Variants in ENPEP observed in about 807,000 individuals in gnomAD.
The protein encoded by ENPEP is glutamyl aminopeptidase, also known as AP-A.
Under a neutral mutation model 114.5 loss-of-function variants are expected in ENPEP, and 103 were observed. That is an observed-to-expected ratio of 0.90 (90% CI 0.77 to 1.06). The LOEUF is 1.06. ENPEP is among the 50% of genes least tolerant of loss of function. The pLI, the probability that ENPEP is intolerant of heterozygous loss-of-function variation, is 0.00. For missense variants in ENPEP, 1,196 were observed against 1,161.3 expected, an observed-to-expected ratio of 1.03 and a Z score of -0.43; for synonymous variants, 420 against 422.0, an observed-to-expected ratio of 1.00 and a Z score of 0.06.
At chr4:110,525,662 TTAACTC>T (rs3839178) in intron 10 of ENPEP, among the ~76,000 whole-genome samples, 54,987 of 151,646 alleles carry the variant, frequency 0.36, 10,532 homozygotes, top group East Asian at 0.5. Flanking sequence ...TAGAAAGTCT[TTAACTC>T]TAAACTGGTT....
In ENPEP at chr4:110,549,373, A is replaced by G; in HGVS notation, c.2179A>G (p.Ile727Val). 2 of 1,613,248 alleles carry G rather than the reference A, an allele frequency of 1.2e-6. No individual in the cohort carries two copies. Among genetic ancestry groups the G allele is most frequent in the African/African-American group, 1.3e-5 (1 of 74,996 alleles). Residue 727 changes from isoleucine (I) to valine (V), a missense_variant, in exon 15 of 20, where the codon ATT becomes GTT. Ile to Val is a conservative substitution (Grantham distance 29, BLOSUM62 3). Coordinates refer to ENST00000265162, the MANE Select transcript of ENPEP (RefSeq NM_001977.4). ...EEYFQGQVKP[I>V]ADSLGWNDAG... ...ATACTTCCAAGGTCAAGTGAAGCCT[A>G]TTGCAGATTCTCTGGGATGGAATGA...
At chr4:110,481,103 G>A (rs1724297289) in intron 1 of ENPEP, among the ~76,000 whole-genome samples, 1 of 152,166 alleles carries the variant, frequency 6.6e-6, no homozygotes, top group Non-Finnish European at 1.5e-5. Context: ...CCCAAAGTAT[G>A]TACTGCAGAA....
intron 6 of ENPEP, among the ~76,000 whole-genome samples, chr4:110,511,255 T>A (rs2110355166): frequency 6.6e-6 from 1 of 152,362 alleles, no homozygotes; most frequent in East Asian, 1.9e-4. Context: ...TTAAAAATCT[T>A]ATCTACATCT....
At chr4:110,529,788 A>AG (rs1323254285) in intron 10 of ENPEP, among the ~76,000 whole-genome samples, 1 of 152,102 alleles carries the variant, frequency 6.6e-6, no homozygotes, top group African/African-American at 2.4e-5. Flanking sequence ...AAAATGACAA[A>AG]GGGGGCCGGG....
At chr4:110,550,536 C>T (rs762525244) in intron 17 of ENPEP, among the ~76,000 whole-genome samples, 2 of 151,932 alleles carry the variant, frequency 1.3e-5, no homozygotes, top group Non-Finnish European at 1.5e-5. Flanking sequence ...GAGTGTCTGC[C>T]GCAAATGCAT....
intron 13 of ENPEP, among the ~76,000 whole-genome samples, chr4:110,546,757 C>T (rs571465108): frequency 1.4e-4 from 21 of 152,126 alleles, no homozygotes; most frequent in African/African-American, 5.1e-4. Context: ...ATGGACTTCC[C>T]TTAAAGGAAG....
At chr4:110,529,925 A>AT (rs397780280) in intron 10 of ENPEP, among the ~76,000 whole-genome samples, 7 of 151,142 alleles carry the variant, frequency 4.6e-5, no homozygotes, top group Non-Finnish European at 1.0e-4. Flanking sequence ...AATACAAAAA[A>AT]ATTGGTTGGG....
At position 110,549,544 on chromosome 4, in the gene ENPEP, G is replaced by A. The variant is rs866151750; in HGVS notation, c.2242G>A (p.Val748Met). The A allele has an allele frequency of 3.1e-6, 5 of 1,613,382 alleles. No individual in the cohort carries two copies. The African/African-American group carries it at 5.3e-5, about 17-fold the overall frequency. Residue 748 changes from valine (V) to methionine (M), a missense_variant, in exon 16 of 20, where the codon GTG (valine) becomes ATG (methionine). Transcript: ENST00000265162. ...DHVTKLLRSSVLGFACKMGDR... is the reference protein window; with the variant it reads ...DHVTKLLRSSMLGFACKMGDR... ...TTTTTTAAGGTTACTCCGTTCCTCC[G>A]TGTTAGGGTTTGCGTGCAAGATGGG...
Position 110,476,406 on chromosome 4 carries a change from G to A in ENPEP, c.-9G>A, listed in dbSNP as rs767450534. On this transcript the variant is annotated 5_prime_UTR_variant, in exon 1 of 20. Coordinates refer to ENST00000265162, the MANE Select transcript of ENPEP (RefSeq NM_001977.4). The stretch of plus-strand genomic sequence containing the variant: ...TTTTTATGTGTAACACTTGACTTTG[G>A]AAGCAAAAATGAACTTTGCGGAGAG... The A allele has an allele frequency of 6.6e-7, 1 of 1,510,402 alleles. No homozygotes were observed. Among genetic ancestry groups the A allele is most frequent in the Non-Finnish European group, 8.9e-7 (1 of 1,128,344 alleles). 93.6% of individuals were successfully genotyped at this position (1,510,402 alleles called of 1,614,324 possible).
chr4:110,561,617 G>T lies in ENPEP; in HGVS notation c.*59G>T. On this transcript the variant is annotated 3_prime_UTR_variant, in exon 20 of 20. Transcript: ENST00000265162. ...CTATTGTTTCTCCTCTGAAGCATTT[G>T]GTGGCCTAATTTACAAGCACGATGG... 6.5e-7 allele frequency: 1 copy of T among 1,539,936 alleles called. No homozygotes were observed.
At chr4:110,552,618 C>T (rs1235595447) in intron 17 of ENPEP, among the ~76,000 whole-genome samples, 5 of 152,048 alleles carry the variant, frequency 3.3e-5, no homozygotes, top group Admixed American at 6.6e-5. Context: ...TTTTGAGGTT[C>T]CCTTGTCACA....
At chr4:110,491,723 T>G (rs932242065) in intron 3 of ENPEP, among the ~76,000 whole-genome samples, 2 of 59,328 alleles carry the variant, frequency 3.4e-5, no homozygotes, top group African/African-American at 8.6e-5. Context: ...TCTTTCTTTT[T>G]TTTTTTTTTT....
intron 2 of ENPEP, among the ~76,000 whole-genome samples, chr4:110,489,800 G>A (rs1724635736): frequency 6.6e-6 from 1 of 152,028 alleles, no homozygotes; most frequent in South Asian, 2.1e-4. Context: ...ATAATCAGAA[G>A]GACACCAGCC....
chr4:110,490,158 A>G (rs1458515144), intron 2 of ENPEP, among the ~76,000 whole-genome samples: 3 of 152,020 alleles, frequency 2.0e-5, no homozygotes, highest in East Asian at 1.9e-4. Flanking sequence ...TTTACCTTCT[A>G]CTAGATCCAG....
chr4:110,521,883 CT>C (rs565919584), intron 10 of ENPEP, among the ~76,000 whole-genome samples: 210 of 144,304 alleles, frequency 1.5e-3, no homozygotes, highest in South Asian at 3.3e-3. Flanking sequence ...TATTTTTTGG[CT>C]TTTTTTTTTT....
At chr4:110,489,222 A>C (rs1724611252) in intron 2 of ENPEP, among the ~76,000 whole-genome samples, 1 of 151,980 alleles carries the variant, frequency 6.6e-6, no homozygotes, top group Admixed American at 6.6e-5. Context: ...AAAAAAAAAA[A>C]CAGGCTATAA....
chr4:110,519,639 CCAT>C (rs112383681), intron 8 of ENPEP: 12,345 of 180,234 alleles, frequency 0.068, 1,484 homozygotes, highest in African/African-American at 0.26. Flanking sequence ...ACCACCACCA[CCAT>C]CATCATCATT....
At chr4:110,557,367 T>G (rs1414922063) in intron 18 of ENPEP, among the ~76,000 whole-genome samples, 1 of 152,214 alleles carries the variant, frequency 6.6e-6, no homozygotes, top group Admixed American at 6.5e-5. Context: ...ATCATTCATC[T>G]GTATGGATCT....
At chr4:110,552,582 C>A (rs1727331038) in intron 17 of ENPEP, among the ~76,000 whole-genome samples, 1 of 152,086 alleles carries the variant, frequency 6.6e-6, no homozygotes, top group Admixed American at 6.6e-5. Flanking sequence ...GAAAATACAT[C>A]TAATCTATCA....
Sources: gnomAD v4.1 joint callset for allele counts (sites outside exome capture counted in the v4.1 genomes callset) on GRCh38, gnomAD v4.1.1 for gene constraint, MANE v1.5 for transcripts, NCBI Gene and HGNC (gene_info 2026-07-23, HGNC 2026-07-21) for gene names.